Variants in HIVEP3 observed in about 807,000 individuals in gnomAD.
The protein encoded by HIVEP3 is transcription factor HIVEP3.
Under a neutral mutation model 152.8 loss-of-function variants are expected in HIVEP3, and 49 were observed. The observed-to-expected ratio is 0.32, with a 90% confidence interval of 0.26 to 0.41. The LOEUF (loss-of-function observed/expected upper bound fraction) is 0.41, where lower values mean the gene tolerates loss of function less well. Among genes scored for constraint, HIVEP3 ranks in the 10% least tolerant of loss-of-function variants. The pLI is 1.00. For synonymous variants in HIVEP3, 1,269 were observed against 1,289.0 expected, an observed-to-expected ratio of 0.98 and a Z score of 0.33; for missense variants, 2,790 against 3,103.3, an observed-to-expected ratio of 0.90 and a Z score of 2.40.
In HIVEP3 at chr1:41,513,662, C is replaced by T. The variant is rs781607978; in HGVS notation, c.5559G>A (p.Ser1853=). 1.1e-5 allele frequency: 17 copies of T among 1,613,390 alleles called. No homozygotes were observed. The Admixed American group carries it at 1.2e-4, about 11-fold the overall frequency. Residue 1853 remains serine (S), a synonymous_variant, in exon 8 of 9, where the codon TCG becomes TCA. Transcript: ENST00000372583. ...CTTCGTCCAGGTCTGAGTCTGAGTCCGAGTCCTCCAGGTCCGAAAACTGGT... is the reference window on the plus strand; with the variant it reads ...CTTCGTCCAGGTCTGAGTCTGAGTCTGAGTCCTCCAGGTCCGAAAACTGGT... ...EEHQFSDLED[S]DSDSDLDEDE...
chr1:41,524,949 G>T (rs1488617043), intron 5 of HIVEP3, 39 bp from the exon 6 acceptor site: 1 of 1,578,698 alleles, frequency 6.3e-7, no homozygotes, highest in Non-Finnish European at 8.7e-7. Flanking sequence ...GAAAAAAAAG[G>T]AGAAGAGGCA....
intron 5 of HIVEP3, among the ~76,000 whole-genome samples, chr1:41,565,559 G>C (rs1570357): frequency 0.12 from 10,048 of 86,308 alleles, 431 homozygotes; most frequent in African/African-American, 0.16. Flanking sequence ...CACACACAGA[G>C]AGAGAGAGAG....
At chr1:42,018,936 A>G (rs568263099) in intron 1 of HIVEP3, among the ~76,000 whole-genome samples, 87 of 152,174 alleles carry the variant, frequency 5.7e-4, no homozygotes, top group African/African-American at 2.0e-3. Flanking sequence ...CATTGCTTTG[A>G]GATACTTTTC....
chr1:41,583,450 T>C lies in HIVEP3; in HGVS notation c.1348A>G (p.Ser450Gly). 6.2e-7 allele frequency: 1 copy of C among 1,613,962 alleles called. No homozygotes were observed. The highest frequency in any genetic ancestry group is 1.3e-5 in the African/African-American group (1 of 75,006). ...CGGGGTACAGACAAAGGCACCAGGC[T>C]GGGCTTGTCTTCGGTGGACAGGGGC... is the stretch of plus-strand genomic sequence containing the variant. ...LLPLSTEDKPSLVPLSVPRTQ... is the reference protein window; with the variant it reads ...LLPLSTEDKPGLVPLSVPRTQ... Residue 450 changes from serine (S) to glycine (G), a missense_variant, in exon 4 of 9, where the codon AGC becomes GGC. Physicochemically the swap from Ser to Gly is moderately conservative, Grantham distance 56. This residue lies in a region of HIVEP3 where 134 missense variants were observed against 242.5 expected (regional missense o/e 0.55). Transcript: ENST00000372583. This position sits in a 1 kb window ranked among gnomAD's most constrained non-coding sequence, Gnocchi z 6.9.
intron 5 of HIVEP3, among the ~76,000 whole-genome samples, chr1:41,550,049 G>T (rs1051073611): frequency 5.3e-5 from 8 of 152,136 alleles, no homozygotes; most frequent in African/African-American, 1.9e-4. Flanking sequence ...ATTAATTTTT[G>T]TATAAGGTGT....
At position 41,638,480 on chromosome 1, in the gene HIVEP3, A is replaced by C. The variant is rs545804226; in HGVS notation, c.-720-9533T>G. Among the ~76,000 whole-genome samples the C allele has an allele frequency of 1.2e-4, 19 of 152,348 alleles. No homozygotes were observed. The East Asian group carries it at 3.3e-3, about 26-fold the overall frequency. On this transcript the variant is annotated intron_variant, in intron 2 of 8. Coordinates refer to ENST00000372583, the MANE Select transcript of HIVEP3 (RefSeq NM_024503.5). ...GATGGATGGTGGTGATGGGTGCATAACTTTTTGAATGTATTTAATAACACT... is the reference window on the plus strand; with the variant it reads ...GATGGATGGTGGTGATGGGTGCATACCTTTTTGAATGTATTTAATAACACT...
chr1:41,750,333 C>T (rs919412756), intron 1 of HIVEP3, among the ~76,000 whole-genome samples: 2 of 152,234 alleles, frequency 1.3e-5, no homozygotes, highest in African/African-American at 2.4e-5. Context: ...CAACAAATGG[C>T]AGCTGAATAA....
intron 1 of HIVEP3, among the ~76,000 whole-genome samples, chr1:41,714,866 A>AGGGT (rs374118815): frequency 2.6e-5 from 4 of 152,312 alleles, no homozygotes; most frequent in African/African-American, 9.6e-5. Context: ...CCCAATTTTA[A>AGGGT]GGGTGTGTGT....
At chr1:41,641,453 C>T (rs1645371263) in intron 2 of HIVEP3, among the ~76,000 whole-genome samples, 1 of 152,256 alleles carries the variant, frequency 6.6e-6, no homozygotes, top group South Asian at 2.1e-4. Context: ...CCATCTTCCA[C>T]CCCATCCCCA....
intron 1 of HIVEP3, among the ~76,000 whole-genome samples, chr1:41,869,365 C>A (rs2124411158): frequency 6.6e-6 from 1 of 152,296 alleles, no homozygotes; most frequent in African/African-American, 2.4e-5. Context: ...GCCTTCCTTT[C>A]CCCAAGAGAC....
At chr1:41,913,037 T>C (rs780861245) in intron 1 of HIVEP3, among the ~76,000 whole-genome samples, 4 of 152,176 alleles carry the variant, frequency 2.6e-5, no homozygotes, top group Non-Finnish European at 4.4e-5. Flanking sequence ...AACAAGTCAC[T>C]TAGCTAGAGA....
At chr1:41,697,566 C>T (rs950685983) in intron 2 of HIVEP3, among the ~76,000 whole-genome samples, 5 of 152,182 alleles carry the variant, frequency 3.3e-5, no homozygotes, top group Non-Finnish European at 5.9e-5. Context: ...GTGGGACTGG[C>T]TGGCAGGTGT....
chr1:41,620,093 G>A (rs751868333), intron 3 of HIVEP3, among the ~76,000 whole-genome samples: 4 of 152,160 alleles, frequency 2.6e-5, no homozygotes, highest in Non-Finnish European at 4.4e-5. Flanking sequence ...TGCTAAGGCA[G>A]ACACAGGAGA....
At chr1:41,757,147 G>A (rs191959531) in intron 1 of HIVEP3, among the ~76,000 whole-genome samples, 4 of 143,702 alleles carry the variant, frequency 2.8e-5, no homozygotes, top group African/African-American at 5.4e-5. Flanking sequence ...ATGGAATCTC[G>A]CTCTGTGGCC....
In HIVEP3 at chr1:41,513,539, G is replaced by A. The variant is rs1642513521; in HGVS notation, c.5682C>T (p.Ser1894=). The part of the protein sequence containing the change: ...PGPPHALRAD[S]SPILGPQPPD... ...GGGGCTGAGGGCCCAGGATGGGTGA[G>A]GAGTCTGCCCGCAGTGCATGTGGTG... Residue 1894 remains serine (S), a synonymous_variant, in exon 8 of 9, where the codon TCC becomes TCT. Coordinates refer to ENST00000372583, the MANE Select transcript of HIVEP3 (RefSeq NM_024503.5). The A allele has an allele frequency of 5.0e-6, 8 of 1,608,840 alleles. No individual in the cohort carries two copies. The highest frequency in any genetic ancestry group is 6.8e-6 in the Non-Finnish European group (8 of 1,178,154).
At chr1:41,848,022 C>A (rs1643490783) in intron 1 of HIVEP3, 1 of 152,182 alleles carries the variant, frequency 6.6e-6, no homozygotes, top group South Asian at 2.1e-4. Flanking sequence ...TGCTTCTAGC[C>A]TAAAGTGACC....
intron 1 of HIVEP3, among the ~76,000 whole-genome samples, chr1:41,991,577 G>A (rs1645361724): frequency 6.8e-6 from 1 of 148,054 alleles, no homozygotes; most frequent in Non-Finnish European, 1.5e-5. Context: ...GTACAAGGAG[G>A]AACTGGTACC....
At position 41,575,458 on chromosome 1, in the gene HIVEP3, A is replaced by G. The variant is rs533951186; in HGVS notation, c.5207+86T>C. The G allele has an allele frequency of 3.2e-5, 47 of 1,458,410 alleles. No individual in the cohort carries two copies. In the African/African-American group the frequency reaches 4.9e-4, roughly 15 times the overall value. 90.3% of individuals were successfully genotyped at this position (1,458,410 alleles called of 1,614,324 possible). On this transcript the variant is annotated intron_variant, in intron 5 of 8. Transcript: ENST00000372583. ...GCACCTGTGGGCAGAGCCCTTGCCA[A>G]CTGAGCCACTGCTGCCCGTGAACAC... is the stretch of plus-strand genomic sequence containing the variant.
intron 1 of HIVEP3, among the ~76,000 whole-genome samples, chr1:41,733,045 A>G (rs1391560261): frequency 2.6e-5 from 4 of 152,210 alleles, no homozygotes; most frequent in African/African-American, 9.7e-5. Flanking sequence ...TCCTGCAAAC[A>G]CAAAGCAGTT....
Sources: allele counts gnomAD v4.1 joint callset (sites outside exome capture counted in the v4.1 genomes callset), GRCh38; gene constraint gnomAD v4.1.1; regional missense constraint gnomAD v4.1.1; non-coding constraint Gnocchi (gnomAD v3.1); transcripts MANE v1.5; gene names NCBI Gene and HGNC (gene_info 2026-07-23, HGNC 2026-07-21).